Variants in SCD5 observed in about 807,000 individuals in gnomAD.
SCD5 encodes acyl-CoA-desaturase 4.
A neutral mutation model predicts 30.4 loss-of-function variants in SCD5; 20 were observed. That is an observed-to-expected ratio of 0.66 (90% CI 0.46 to 0.96). SCD5 has a LOEUF of 0.96. Among genes scored for constraint, SCD5 ranks in the 40% least tolerant of loss-of-function variants. The probability of loss-of-function intolerance (pLI) is 0.00; values close to 1 mark genes in which losing one functional copy is unlikely to be tolerated. For missense variants in SCD5, 381 were observed against 443.3 expected (o/e 0.86, Z 1.26); for synonymous variants, 173 against 176.4 (o/e 0.98, Z 0.16).
intron 3 of SCD5, among the ~76,000 whole-genome samples, chr4:82,680,382 C>T (rs1412180708): frequency 6.6e-6 from 1 of 152,170 alleles, no homozygotes; most frequent in Non-Finnish European, 1.5e-5. Flanking sequence ...CCTTCTGCTA[C>T]TCCAGAGAAT....
chr4:82,733,152 C>T (rs778642965), intron 1 of SCD5, among the ~76,000 whole-genome samples: 3 of 152,148 alleles, frequency 2.0e-5, no homozygotes, highest in African/African-American at 7.2e-5. Flanking sequence ...AGTAACTGGG[C>T]GTACTCACAG....
chr4:82,672,368 C>T (rs992165506), intron 3 of SCD5, among the ~76,000 whole-genome samples: 2 of 151,840 alleles, frequency 1.3e-5, no homozygotes, highest in Non-Finnish European at 2.9e-5. Context: ...GAGGGGACAC[C>T]CCTACAGATC....
At chr4:82,694,094 C>A (rs571293115) in intron 2 of SCD5, among the ~76,000 whole-genome samples, 1 of 152,232 alleles carries the variant, frequency 6.6e-6, no homozygotes. Flanking sequence ...AGCCTAGCCG[C>A]AGGCGCCTCT....
chr4:82,766,913 G>C (rs1454796338), intron 1 of SCD5, among the ~76,000 whole-genome samples: 1 of 152,042 alleles, frequency 6.6e-6, no homozygotes, highest in African/African-American at 2.4e-5. Context: ...CCTAACCTCA[G>C]GTGATCCGCC....
At chr4:82,648,947 C>T (rs942847878) in intron 3 of SCD5, among the ~76,000 whole-genome samples, 5 of 152,040 alleles carry the variant, frequency 3.3e-5, no homozygotes, top group East Asian at 3.9e-4. Flanking sequence ...TTTGGCGTTT[C>T]GAGGATTCCA....
At chr4:82,760,731 G>T (rs557687641) in intron 1 of SCD5, among the ~76,000 whole-genome samples, 2 of 152,296 alleles carry the variant, frequency 1.3e-5, no homozygotes, top group South Asian at 4.1e-4. Context: ...AAACAAGGCT[G>T]CCCTTTTGGA....
intron 1 of SCD5, among the ~76,000 whole-genome samples, chr4:82,773,820 C>T (rs796920470): frequency 1.5e-4 from 23 of 152,098 alleles, no homozygotes; most frequent in African/African-American, 5.3e-4. Context: ...ACATAGAGGC[C>T]GGGCGTGGTG....
At chr4:82,741,678 G>A (rs1466017426) in intron 1 of SCD5, among the ~76,000 whole-genome samples, 1 of 152,096 alleles carries the variant, frequency 6.6e-6, no homozygotes, top group Non-Finnish European at 1.5e-5. Context: ...TATTAGAATA[G>A]GGCTCTTTCT....
At chr4:82,755,004 T>C (rs1721203625) in intron 1 of SCD5, among the ~76,000 whole-genome samples, 1 of 151,888 alleles carries the variant, frequency 6.6e-6, no homozygotes, top group Non-Finnish European at 1.5e-5. Context: ...GTGCCTAGGC[T>C]AAGGTTGCAG....
intron 1 of SCD5, among the ~76,000 whole-genome samples, chr4:82,734,639 A>G (rs1307620535): frequency 6.6e-6 from 1 of 152,254 alleles, no homozygotes; most frequent in Non-Finnish European, 1.5e-5. Flanking sequence ...CAAAACATCA[A>G]AGCAACAGAA....
chr4:82,730,724 T>G (rs979968654), intron 1 of SCD5, among the ~76,000 whole-genome samples: 1 of 151,584 alleles, frequency 6.6e-6, no homozygotes. Flanking sequence ...TAGCTGGGAC[T>G]ACAGGCACCC....
chr4:82,743,209 A>G (rs1177114780), intron 1 of SCD5, among the ~76,000 whole-genome samples: 1 of 152,070 alleles, frequency 6.6e-6, no homozygotes, highest in Non-Finnish European at 1.5e-5. Context: ...AGGATAGTCT[A>G]TTTCCTAAAA....
chr4:82,652,221 G>GT (rs1727773714), intron 3 of SCD5, among the ~76,000 whole-genome samples: 2 of 152,186 alleles, frequency 1.3e-5, no homozygotes, highest in Non-Finnish European at 2.9e-5. Context: ...AAGAGATAGG[G>GT]TAACTGTGGC....
chr4:82,670,089 G>A (rs55964234), intron 3 of SCD5, among the ~76,000 whole-genome samples: 3,664 of 152,142 alleles, frequency 0.024, 70 homozygotes, highest in South Asian at 0.099. Context: ...AGTACATCAT[G>A]TCCAGTTATC....
At chr4:82,678,079 C>A (rs946653925) in intron 3 of SCD5, among the ~76,000 whole-genome samples, 1 of 151,966 alleles carries the variant, frequency 6.6e-6, no homozygotes, top group African/African-American at 2.4e-5. Context: ...CTAGGGGTGA[C>A]CTCTATAGTT....
At chr4:82,677,537 G>A (rs764667993) in intron 3 of SCD5, among the ~76,000 whole-genome samples, 3 of 152,172 alleles carry the variant, frequency 2.0e-5, no homozygotes, top group Non-Finnish European at 2.9e-5. Context: ...TGGCAGGACC[G>A]GTAAAGCCAG....
Position 82,761,713 on chromosome 4 carries a change from G to A in SCD5, c.232+36593C>T, listed in dbSNP as rs934435345. On this transcript the variant is annotated intron_variant, in intron 1 of 4. Coordinates refer to ENST00000319540, the MANE Select transcript of SCD5 (RefSeq NM_001037582.3). The stretch of plus-strand genomic sequence containing the variant: ...TCATCTAGCATTAGGTATATCTCCC[G>A]ATGCTATCCCTCCCCCCTCTCCCCA... 4.0e-5 allele frequency among the ~76,000 whole-genome samples: 6 copies of A among 151,830 alleles called. No individual in the cohort carries two copies. In the South Asian group the frequency reaches 8.3e-4, roughly 21 times the overall value.
At chr4:82,753,321 G>A (rs373549901) in intron 1 of SCD5, 36 of 528,526 alleles carry the variant, frequency 6.8e-5, no homozygotes, top group Non-Finnish European at 1.2e-4. Flanking sequence ...GGGGTGGGGG[G>A]TTCTGTGTAT....
At chr4:82,741,669 A>C (rs1397441644) in intron 1 of SCD5, among the ~76,000 whole-genome samples, 1 of 152,216 alleles carries the variant, frequency 6.6e-6, no homozygotes, top group African/African-American at 2.4e-5. Context: ...GGAATGAGAT[A>C]TTAGAATAGG....
Sources: allele counts gnomAD v4.1 joint callset (sites outside exome capture counted in the v4.1 genomes callset), GRCh38; gene constraint gnomAD v4.1.1; transcripts MANE v1.5; gene names NCBI Gene and HGNC (gene_info 2026-07-23, HGNC 2026-07-21).